NUP153: variants seen among roughly 807,000 people sequenced by gnomAD.
The protein encoded by NUP153 is nuclear pore complex protein Nup153.
In NUP153, 27 loss-of-function variants were observed where a neutral mutation model predicts 134.6. That is an observed-to-expected ratio of 0.20 (90% CI 0.15 to 0.28). NUP153 has a LOEUF of 0.28. Among genes scored for constraint, NUP153 ranks in the 10% least tolerant of loss-of-function variants. NUP153 has a pLI of 1.00. For synonymous variants in NUP153, 640 were observed against 623.5 expected (o/e 1.03, Z -0.40); for missense variants, 1,821 against 1,731.3 (o/e 1.05, Z -0.92).
Position 17,675,061 on chromosome 6 carries a change from A to T in NUP153, c.724-28T>A, listed in dbSNP as rs1419013787. On this transcript the variant is annotated intron_variant, in intron 4 of 21. Transcript: ENST00000262077. This position sits in a 1 kb window ranked among gnomAD's most constrained non-coding sequence, Gnocchi z 4.4. ...GCACAGAAACAGAATGATAAATTAT[A>T]AGCCATATGAACCCAGGAGGTGGAG... The T allele has an allele frequency of 1.2e-6, 2 of 1,611,782 alleles. No homozygotes were observed. Among genetic ancestry groups the T allele is most frequent in the Non-Finnish European group, 1.7e-6 (2 of 1,178,788 alleles).
In NUP153 at chr6:17,626,137, C is replaced by T; in HGVS notation, c.3572G>A (p.Ser1191Asn). Reference sequence around the variant, plus strand: ...ACTAGAGGAACTGTTGTTCAAGAAACTAAAAACTGGCTTTGCTGCACCTTG... The same window carrying T: ...ACTAGAGGAACTGTTGTTCAAGAAATTAAAAACTGGCTTTGCTGCACCTTG... ...ADQGAAKPVFSFLNNSSSSSS... is the reference protein window; with the variant it reads ...ADQGAAKPVFNFLNNSSSSSS... Residue 1191 changes from serine (S) to asparagine (N), a missense_variant, in exon 19 of 22, where the codon AGT becomes AAT. Transcript: ENST00000262077. The T allele has an allele frequency of 6.2e-7, 1 of 1,612,754 alleles. No homozygotes were observed. Among genetic ancestry groups the T allele is most frequent in the Non-Finnish European group, 8.5e-7 (1 of 1,179,872 alleles).
At chr6:17,668,048 TGAG>T (rs1322074710) in intron 8 of NUP153, among the ~76,000 whole-genome samples, 1 of 148,642 alleles carries the variant, frequency 6.7e-6, no homozygotes, top group Non-Finnish European at 1.5e-5. Context: ...TGATGTGCAA[TGAG>T]GACTTTAGTT....
intron 1 of NUP153, among the ~76,000 whole-genome samples, chr6:17,699,870 C>T (rs74492210): frequency 0.041 from 6,211 of 152,218 alleles, 392 homozygotes; most frequent in East Asian, 0.29. Context: ...TAATTAGTGA[C>T]ATCAGACTAC....
intron 1 of NUP153, among the ~76,000 whole-genome samples, chr6:17,698,762 G>T (rs1022463399): frequency 4.7e-5 from 7 of 150,286 alleles, no homozygotes; most frequent in African/African-American, 1.7e-4. Flanking sequence ...AAAAAGAGCT[G>T]GGAGCCTGAA....
intron 16 of NUP153, among the ~76,000 whole-genome samples, chr6:17,634,828 A>G (rs183770080): frequency 2.5e-3 from 374 of 152,254 alleles, no homozygotes; most frequent in Non-Finnish European, 3.5e-3. Context: ...CGATCAGTAC[A>G]TTATCTATTG....
At chr6:17,689,416 C>CAA (rs76665434) in intron 1 of NUP153, among the ~76,000 whole-genome samples, 2 of 149,592 alleles carry the variant, frequency 1.3e-5, no homozygotes, top group Admixed American at 6.7e-5. Flanking sequence ...AATAAACAAA[C>CAA]AAAAAAAAAC....
At chr6:17,642,372 C>CA (rs1765882135) in intron 14 of NUP153, among the ~76,000 whole-genome samples, 1 of 142,912 alleles carries the variant, frequency 7.0e-6, no homozygotes, top group African/African-American at 2.5e-5. Context: ...AACTCAGTAA[C>CA]AAAAAGACAA....
intron 20 of NUP153, among the ~76,000 whole-genome samples, chr6:17,623,651 A>G (rs1485218897): frequency 6.6e-6 from 1 of 152,240 alleles, no homozygotes; most frequent in African/African-American, 2.4e-5. Context: ...AACAGTAAAT[A>G]AACTGCAGTA....
intron 11 of NUP153, among the ~76,000 whole-genome samples, chr6:17,650,786 C>G (rs1041242168): frequency 1.3e-5 from 2 of 152,014 alleles, no homozygotes; most frequent in African/African-American, 4.8e-5. Flanking sequence ...ATATATTTAA[C>G]TATATAAAGC....
intron 11 of NUP153, among the ~76,000 whole-genome samples, chr6:17,656,007 C>T (rs1766794796): frequency 6.6e-6 from 1 of 152,096 alleles, no homozygotes; most frequent in African/African-American, 2.4e-5. Flanking sequence ...GAGTTTGAGA[C>T]CAGCCTGGCC....
At chr6:17,676,586 G>A (rs1014788574) in intron 2 of NUP153, among the ~76,000 whole-genome samples, 7 of 152,094 alleles carry the variant, frequency 4.6e-5, no homozygotes, top group African/African-American at 1.7e-4. Flanking sequence ...GAGGCTTCCA[G>A]TTAGAACGGA....
intron 11 of NUP153, 139 bp from the exon 12 acceptor site, chr6:17,649,439 T>C: frequency 2.7e-6 from 2 of 752,220 alleles, no homozygotes; most frequent in Non-Finnish European, 3.9e-6. Context: ...TCAGAAAAAC[T>C]GAACATGATT....
At chr6:17,627,134 A>G (rs886985868) in intron 18 of NUP153, among the ~76,000 whole-genome samples, 2 of 152,198 alleles carry the variant, frequency 1.3e-5, no homozygotes, top group Non-Finnish European at 2.9e-5. Flanking sequence ...CACTATGGGC[A>G]TTAGTATGAC....
chr6:17,621,459 T>C (rs138472520), intron 20 of NUP153, among the ~76,000 whole-genome samples: 1 of 152,290 alleles, frequency 6.6e-6, no homozygotes, highest in Non-Finnish European at 1.5e-5. Context: ...AATCTAAGTG[T>C]CCATCAACAG....
chr6:17,645,875 G>A (rs1182188863), intron 14 of NUP153, among the ~76,000 whole-genome samples, 192 bp downstream of exon 14: 2 of 152,106 alleles, frequency 1.3e-5, no homozygotes, highest in Non-Finnish European at 2.9e-5. Context: ...CATTTAAGGA[G>A]CTAAGTATCT....
chr6:17,620,636 C>T (rs964486488), intron 20 of NUP153, among the ~76,000 whole-genome samples: 3 of 152,136 alleles, frequency 2.0e-5, no homozygotes, highest in African/African-American at 7.2e-5. Context: ...TGAATGCCGT[C>T]CAACACAAAT....
intron 11 of NUP153, among the ~76,000 whole-genome samples, chr6:17,660,537 C>T (rs1767114223): frequency 6.6e-6 from 1 of 151,518 alleles, no homozygotes; most frequent in Non-Finnish European, 1.5e-5. Flanking sequence ...AGAACTCTTT[C>T]TAATAATAAA....
rs749482201 is a variant in NUP153 at position 17,706,323 on chromosome 6, T to A, written c.65A>T (p.His22Leu). The change falls in exon 1 of 22, where the codon CAC (histidine) becomes CTC (leucine). Residue 22 changes from histidine (H) to leucine (L), a missense_variant. By Grantham distance (99) the His-to-Leu change is moderately conservative. Coordinates refer to ENST00000262077, the MANE Select transcript of NUP153 (RefSeq NM_005124.4). This position sits in a 1 kb window ranked among gnomAD's most constrained non-coding sequence, Gnocchi z 5.9. The part of the protein sequence containing the change: ...GGGKIRTRRC[H>L]QGPIKPYQQG... ...CTGGTAAGGCTTAATTGGCCCCTGG[T>A]GGCAACGCCGCGTCCGGATCTTGCC... 49 of 1,613,538 alleles carry A rather than the reference T, an allele frequency of 3.0e-5. 1 individual carries two copies. Among genetic ancestry groups the A allele is most frequent in the Middle Eastern group, 3.3e-4 (2 of 6,078 alleles).
chr6:17,618,708 GGCGC>G (rs1561848173), intron 20 of NUP153, among the ~76,000 whole-genome samples: 1 of 152,020 alleles, frequency 6.6e-6, no homozygotes, highest in Non-Finnish European at 1.5e-5. Context: ...TGGGACTACA[GGCGC>G]CCGCCACCAC....
Sources: allele counts gnomAD v4.1 joint callset (sites outside exome capture counted in the v4.1 genomes callset), GRCh38; gene constraint gnomAD v4.1.1; non-coding constraint Gnocchi (gnomAD v3.1); transcripts MANE v1.5; gene names NCBI Gene and HGNC (gene_info 2026-07-23, HGNC 2026-07-21).